Variants in BANP observed in about 807,000 individuals in gnomAD.
The protein encoded by BANP is protein BANP.
A neutral mutation model predicts 68.1 loss-of-function variants in BANP; 11 were observed. The ratio of observed to expected loss-of-function variants is 0.16; its 90% CI spans 0.10 to 0.27. The LOEUF (loss-of-function observed/expected upper bound fraction) is 0.27, where lower values mean the gene tolerates loss of function less well. Ranked by LOEUF, BANP falls within the 10% of genes least tolerant of loss-of-function variation. The pLI, the probability that BANP is intolerant of heterozygous loss-of-function variation, is 1.00. For missense variants in BANP, 504 were observed against 722.7 expected (o/e 0.70, Z 3.47); for synonymous variants, 329 against 303.2 (o/e 1.09, Z -0.88).
At chr16:87,961,904 A>G (rs7205819) in intron 1 of BANP, among the ~76,000 whole-genome samples, 102,486 of 151,858 alleles carry the variant, frequency 0.67, 35,377 homozygotes, top group African/African-American at 0.8. Flanking sequence ...CTCAGATGGG[A>G]CCCCTGGACC....
intron 2 of BANP, among the ~76,000 whole-genome samples, chr16:87,977,984 C>T (rs1218169896): frequency 1.3e-5 from 2 of 151,678 alleles, no homozygotes; most frequent in African/African-American, 4.8e-5. Flanking sequence ...TACAGGTGCC[C>T]GCCACCATGC....
intron 4 of BANP, among the ~76,000 whole-genome samples, chr16:87,999,057 C>G (rs978634990): frequency 2.1e-5 from 3 of 142,062 alleles, no homozygotes; most frequent in African/African-American, 7.9e-5. Context: ...CCTGTCCTTC[C>G]AGACACGTCT....
intron 12 of BANP, among the ~76,000 whole-genome samples, chr16:88,067,084 T>A (rs1260971353): frequency 6.6e-6 from 1 of 152,248 alleles, no homozygotes; most frequent in South Asian, 2.1e-4. Context: ...TAATTGGTGT[T>A]GGACACACAG....
Position 88,036,529 on chromosome 16 carries a change from G to A in BANP, c.1272+1135G>A, listed in dbSNP as rs1456911007. 6.6e-6 allele frequency among the ~76,000 whole-genome samples: 1 copy of A among 152,142 alleles called. No homozygotes were observed. The highest frequency in any genetic ancestry group is 1.5e-5 in the Non-Finnish European group (1 of 68,024). ...GGCACGTGGAGCACCAGGGACTCGGGCGTGTCTGCTGGCAGTGGCTTTAAT... is the reference window on the plus strand; with the variant it reads ...GGCACGTGGAGCACCAGGGACTCGGACGTGTCTGCTGGCAGTGGCTTTAAT... On this transcript the variant is annotated intron_variant, in intron 10 of 13. Transcript: ENST00000682872. The surrounding 1 kb of genome is among the most constrained non-coding windows in gnomAD (Gnocchi z 4.2).
At chr16:87,955,706 T>C (rs575791191) in intron 1 of BANP, among the ~76,000 whole-genome samples, 1 of 152,088 alleles carries the variant, frequency 6.6e-6, no homozygotes, top group Non-Finnish European at 1.5e-5. Flanking sequence ...AATAAAACTG[T>C]AGCCTCTCGG....
In BANP at chr16:87,956,243, G is replaced by A. The variant is rs564605393; in HGVS notation, c.-69+4728G>A. Among the ~76,000 whole-genome samples, 159 of 152,348 alleles carry A rather than the reference G, an allele frequency of 1.0e-3. 1 individual carries two copies. Among genetic ancestry groups the A allele is most frequent in the Admixed American group, 2.3e-3 (35 of 15,306 alleles). ...AACTCACAGCACCAGTTTAGCCACT[G>A]CAATCTAGAGAAACTAAACATTTCC... On this transcript the variant is annotated intron_variant, in intron 1 of 13. Transcript: ENST00000682872.
chr16:88,032,477 C>G (rs1459321459), intron 8 of BANP, among the ~76,000 whole-genome samples: 1 of 152,226 alleles, frequency 6.6e-6, no homozygotes, highest in African/African-American at 2.4e-5. Flanking sequence ...GCTGGGATTA[C>G]AGGTGTGAGC....
chr16:87,988,554 C>T (rs1204469962), intron 4 of BANP, among the ~76,000 whole-genome samples: 3 of 152,156 alleles, frequency 2.0e-5, no homozygotes, highest in South Asian at 2.1e-4. Flanking sequence ...TGTGAGCCAC[C>T]GCCCCCGGCC....
chr16:87,954,238 A>C (rs2057583421), intron 1 of BANP, among the ~76,000 whole-genome samples: 1 of 151,864 alleles, frequency 6.6e-6, no homozygotes, highest in Non-Finnish European at 1.5e-5. Context: ...TCACAATCAA[A>C]TTTTTAATGT....
At chr16:88,047,701 G>T (rs745918030) in intron 11 of BANP, among the ~76,000 whole-genome samples, 3 of 152,150 alleles carry the variant, frequency 2.0e-5, no homozygotes, top group Admixed American at 2.0e-4. Context: ...CAGAACAGCT[G>T]TTCTCCCCAC....
At chr16:87,960,691 A>G (rs1396481239) in intron 1 of BANP, among the ~76,000 whole-genome samples, 1 of 152,252 alleles carries the variant, frequency 6.6e-6, no homozygotes, top group Admixed American at 6.5e-5. Flanking sequence ...TAAAATGGCA[A>G]GTCCACGGAA....
At chr16:88,020,858 G>A (rs1389413036) in intron 7 of BANP, among the ~76,000 whole-genome samples, 1 of 152,224 alleles carries the variant, frequency 6.6e-6, no homozygotes, top group Non-Finnish European at 1.5e-5. Context: ...TATTAATCGA[G>A]CACAGGGAAT....
At chr16:88,042,698 G>A (rs372707537) in intron 11 of BANP, among the ~76,000 whole-genome samples, 35 of 152,268 alleles carry the variant, frequency 2.3e-4, no homozygotes, top group Middle Eastern at 6.8e-3. Context: ...TGGGAGGATC[G>A]CTTGAGCCCA....
intron 6 of BANP, 121 bp downstream of exon 6, chr16:88,006,386 C>A: frequency 8.4e-7 from 1 of 1,187,126 alleles, no homozygotes; most frequent in South Asian, 1.6e-5. Context: ...GTGGCTCACG[C>A]CTGTAATCCC....
rs568197498 is a variant in BANP at position 87,984,994 on chromosome 16, C to G, written c.362+735C>G. ...CCTGGCCTGGCTGTAGCCTTCTGCCCGGTGTGTCTGGGAGGAGAGAGAATG... is the reference window on the plus strand; with the variant it reads ...CCTGGCCTGGCTGTAGCCTTCTGCCGGGTGTGTCTGGGAGGAGAGAGAATG... On this transcript the variant is annotated intron_variant, in intron 4 of 13. Coordinates refer to ENST00000682872, the MANE Select transcript of BANP (RefSeq NM_001386991.1). Among the ~76,000 whole-genome samples, 139 of 152,292 alleles carry G rather than the reference C, an allele frequency of 9.1e-4. 1 individual carries two copies. Among genetic ancestry groups the G allele is most frequent in the Middle Eastern group, 3.4e-3 (1 of 292 alleles).
intron 1 of BANP, among the ~76,000 whole-genome samples, chr16:87,955,499 A>G (rs1467238959): frequency 1.3e-5 from 2 of 152,196 alleles, no homozygotes; most frequent in Non-Finnish European, 2.9e-5. Flanking sequence ...AACGCCAGAA[A>G]GTTCACAGCA....
intron 2 of BANP, among the ~76,000 whole-genome samples, chr16:87,979,057 T>A (rs1432971984): frequency 6.6e-6 from 1 of 152,184 alleles, no homozygotes; most frequent in Non-Finnish European, 1.5e-5. Flanking sequence ...TTGACTGCTT[T>A]TGCCTAGGAC....
chr16:88,065,367 C>T, intron 12 of BANP, 35 bp downstream of exon 12: 1 of 742,316 alleles, frequency 1.3e-6, no homozygotes, highest in Non-Finnish European at 2.5e-6. Flanking sequence ...CTCCCACCCT[C>T]TGTGGCTGGG....
At chr16:87,987,920 T>A (rs1355103612) in intron 4 of BANP, among the ~76,000 whole-genome samples, 1 of 151,584 alleles carries the variant, frequency 6.6e-6, no homozygotes, top group African/African-American at 2.4e-5. Flanking sequence ...TGCACGCTAC[T>A]ATGCTTGGCT....
Sources: allele counts gnomAD v4.1 joint callset (sites outside exome capture counted in the v4.1 genomes callset), GRCh38; gene constraint gnomAD v4.1.1; non-coding constraint Gnocchi (gnomAD v3.1); transcripts MANE v1.5; gene names NCBI Gene and HGNC (gene_info 2026-07-23, HGNC 2026-07-21).